FYN: variants seen among roughly 807,000 people sequenced by gnomAD.
FYN encodes the protein tyrosine-protein kinase Fyn.
Under a neutral mutation model 70.2 loss-of-function variants are expected in FYN, and 10 were observed. That is an observed-to-expected ratio of 0.14 (90% CI 0.09 to 0.24). FYN has a LOEUF of 0.24. Among genes scored for constraint, FYN ranks in the 10% least tolerant of loss-of-function variants. FYN has a pLI of 1.00. For synonymous variants in FYN, 236 were observed against 248.6 expected (o/e 0.95, Z 0.48); for missense variants, 319 against 673.1 (o/e 0.47, Z 5.82).
At chr6:111,765,897 G>A (rs568955821) in intron 3 of FYN, among the ~76,000 whole-genome samples, 26 of 152,292 alleles carry the variant, frequency 1.7e-4, no homozygotes, top group African/African-American at 5.8e-4. Flanking sequence ...AGATGGTTTG[G>A]TTTTGCTACA....
intron 13 of FYN, among the ~76,000 whole-genome samples, chr6:111,669,330 G>T (rs1418681004): frequency 1.3e-5 from 2 of 150,246 alleles, no homozygotes; most frequent in African/African-American, 2.4e-5. Flanking sequence ...AGCTTCTTGG[G>T]AGGCTGAGGC....
chr6:111,812,468 T>G (rs1210407085), intron 2 of FYN, among the ~76,000 whole-genome samples: 2 of 152,154 alleles, frequency 1.3e-5, no homozygotes, highest in South Asian at 4.1e-4. Context: ...GTGTGCACTT[T>G]GTGGAACTGT....
At chr6:111,684,808 T>C (rs1219638876) in intron 12 of FYN, among the ~76,000 whole-genome samples, 1 of 152,162 alleles carries the variant, frequency 6.6e-6, no homozygotes, top group Non-Finnish European at 1.5e-5. Flanking sequence ...CTGAGAACCA[T>C]CGAAGGGACT....
intron 12 of FYN, among the ~76,000 whole-genome samples, chr6:111,691,995 G>A (rs773298100): frequency 9.2e-5 from 14 of 151,950 alleles, no homozygotes; most frequent in Non-Finnish European, 1.9e-4. Flanking sequence ...CTGGCACTTG[G>A]AAGGTGTTTT....
chr6:111,674,280 C>A (rs974898154), intron 13 of FYN, among the ~76,000 whole-genome samples: 20 of 152,206 alleles, frequency 1.3e-4, no homozygotes, highest in African/African-American at 3.6e-4. Flanking sequence ...CTGCTACTTA[C>A]ATTAATCCTG....
intron 1 of FYN, among the ~76,000 whole-genome samples, chr6:111,854,898 TTAA>T (rs1773783332): frequency 6.6e-6 from 1 of 152,208 alleles, no homozygotes; most frequent in Admixed American, 6.5e-5. Context: ...ACTTCAAATG[TTAA>T]TAATGATGCA....
intron 2 of FYN, among the ~76,000 whole-genome samples, chr6:111,785,675 T>C (rs1771342459): frequency 6.6e-6 from 1 of 152,184 alleles, no homozygotes; most frequent in Non-Finnish European, 1.5e-5. Flanking sequence ...TTTTCTTTTT[T>C]TTTTATTACT....
At chr6:111,719,773 C>G (rs1279421438) in intron 4 of FYN, 32 bp downstream of exon 4, 1 of 1,598,388 alleles carries the variant, frequency 6.3e-7, no homozygotes, top group South Asian at 1.1e-5. Flanking sequence ...GTGGCTGCCC[C>G]CTCTCTGCAC....
intron 1 of FYN, among the ~76,000 whole-genome samples, chr6:111,860,532 C>T (rs1471957635): frequency 6.6e-6 from 1 of 152,196 alleles, no homozygotes; most frequent in Admixed American, 6.5e-5. Flanking sequence ...TCAGGGAAAG[C>T]AGTAGGGCTT....
In FYN at chr6:111,775,635, GA is replaced by G. The variant is rs1770902492; in HGVS notation, c.-12+4930del. 1.3e-5 allele frequency among the ~76,000 whole-genome samples: 2 copies of G among 152,168 alleles called. 1 individual carries two copies. Among genetic ancestry groups the G allele is most frequent in the Non-Finnish European group, 2.9e-5 (2 of 68,026 alleles). On this transcript the variant is annotated intron_variant, in intron 3 of 13. Transcript: ENST00000354650. ...CTCAAATGGAACTGTAAGCCCTGAA[GA>G]AAAGCTGAGAATGGAGACTGGAACA...
intron 6 of FYN, among the ~76,000 whole-genome samples, chr6:111,707,657 A>G (rs575128597): frequency 1.3e-5 from 2 of 152,292 alleles, no homozygotes; most frequent in Admixed American, 1.3e-4. Flanking sequence ...GCTACTTTTA[A>G]TCTATGACAA....
chr6:111,862,037 G>A (rs1773978852), intron 1 of FYN, among the ~76,000 whole-genome samples: 1 of 152,168 alleles, frequency 6.6e-6, no homozygotes, highest in African/African-American at 2.4e-5. Context: ...TCAGTTAAAT[G>A]TTGCTTTGTG....
At chr6:111,819,137 T>C (rs533894042) in intron 2 of FYN, among the ~76,000 whole-genome samples, 5 of 152,324 alleles carry the variant, frequency 3.3e-5, no homozygotes, top group African/African-American at 1.2e-4. Flanking sequence ...CCTATTTTGG[T>C]TGGGTGCACA....
At chr6:111,725,867 A>G (rs1801170511) in intron 3 of FYN, among the ~76,000 whole-genome samples, 1 of 152,210 alleles carries the variant, frequency 6.6e-6, no homozygotes, top group Admixed American at 6.5e-5. Context: ...TCACTCCATC[A>G]TCGGGTTGTT....
At chr6:111,787,598 C>A (rs1180857909) in intron 2 of FYN, among the ~76,000 whole-genome samples, 2 of 152,222 alleles carry the variant, frequency 1.3e-5, no homozygotes, top group Non-Finnish European at 2.9e-5. Flanking sequence ...TTCAGTACAA[C>A]CTTGTACAGG....
At chr6:111,736,814 T>C (rs944688097) in intron 3 of FYN, among the ~76,000 whole-genome samples, 1 of 152,234 alleles carries the variant, frequency 6.6e-6, no homozygotes, top group Non-Finnish European at 1.5e-5. Flanking sequence ...CATCATTTTC[T>C]AGCCATCTTG....
intron 3 of FYN, among the ~76,000 whole-genome samples, chr6:111,746,954 C>T (rs1450789831): frequency 1.3e-5 from 2 of 152,042 alleles, no homozygotes; most frequent in South Asian, 2.1e-4. Flanking sequence ...ACACACAGCC[C>T]TCAAAAGAGA....
At position 111,759,600 on chromosome 6, in the gene FYN, C is replaced by A. The variant is rs79192451; in HGVS notation, c.-12+20966G>T. Among the ~76,000 whole-genome samples, 280 of 152,278 alleles carry A rather than the reference C, an allele frequency of 1.8e-3. 8 individuals are homozygous for A. The East Asian group carries it at 0.048, about 26-fold the overall frequency. ...GGACTGTGGATCTTTTGGTTCCCCC[C>A]CTAGGGGTTCTTGCCCTTCAGGACT... is the stretch of plus-strand genomic sequence containing the variant. On this transcript the variant is annotated intron_variant, in intron 3 of 13. Coordinates refer to ENST00000354650, the MANE Select transcript of FYN (RefSeq NM_002037.5).
intron 2 of FYN, among the ~76,000 whole-genome samples, chr6:111,844,278 C>T (rs1019812567): frequency 8.5e-5 from 13 of 152,194 alleles, no homozygotes; most frequent in South Asian, 2.1e-4. Flanking sequence ...TTTACAAAAA[C>T]GTTCAACTAA....
Sources: allele counts gnomAD v4.1 joint callset (sites outside exome capture counted in the v4.1 genomes callset), GRCh38; gene constraint gnomAD v4.1.1; transcripts MANE v1.5; gene names NCBI Gene and HGNC (gene_info 2026-07-23, HGNC 2026-07-21).